ITGAE: variants seen among roughly 807,000 people sequenced by gnomAD.
ITGAE encodes integrin subunit alpha E.
In ITGAE, 99 loss-of-function variants were observed where a neutral mutation model predicts 136.5. The ratio of observed to expected loss-of-function variants is 0.73; its 90% CI spans 0.62 to 0.86. The LOEUF (loss-of-function observed/expected upper bound fraction) is 0.86. ITGAE is among the 40% of genes least tolerant of loss of function. ITGAE has a pLI of 0.00. For synonymous variants in ITGAE, 613 were observed against 591.8 expected (o/e 1.04, Z -0.52); for missense variants, 1,447 against 1,515.3 (o/e 0.95, Z 0.75).
intron 5 of ITGAE, 96 bp downstream of exon 5, chr17:3,761,307 G>A: frequency 6.5e-7 from 1 of 1,540,644 alleles, no homozygotes. Context: ...CTGTGGGCCT[G>A]CGTCCCACTG....
chr17:3,730,317 G>C (rs527875816), intron 23 of ITGAE: 1 of 152,352 alleles, frequency 6.6e-6, no homozygotes, highest in South Asian at 2.1e-4. Flanking sequence ...AGCTGGGCGT[G>C]GTGGCGGGCG....
In ITGAE at chr17:3,751,673, C is replaced by T. The variant is rs777253108; in HGVS notation, c.1870G>A (p.Gly624Ser). Residue 624 changes from glycine to serine, a missense_variant, in exon 15 of 31, where the codon GGC (glycine) becomes AGC (serine). Gly to Ser is a moderately conservative substitution (Grantham distance 56). Around this residue, in one of 3 missense-constraint regions of ITGAE, gnomAD observed 1,031 missense variants for 1,011.4 expected, o/e 1.02. Coordinates refer to ENST00000263087, the MANE Select transcript of ITGAE (RefSeq NM_002208.5). ...ACCTGCGAGGGGCTGGCGGAGAGGC[C>T]GTCCCAGTGTCCATTGTAGATATAC... ...SVYIYNGHWD[G>S]LSASPSQRIR... The T allele has an allele frequency of 5.0e-5, 80 of 1,613,722 alleles. 1 individual carries two copies. In the South Asian group the frequency reaches 8.3e-4, roughly 17 times the overall value.
chr17:3,795,017 C>T (rs2053031495), intron 1 of ITGAE, among the ~76,000 whole-genome samples: 1 of 152,208 alleles, frequency 6.6e-6, no homozygotes, highest in South Asian at 2.1e-4. Context: ...CTGCTCAGCA[C>T]TCTCCACCTC....
intron 21 of ITGAE, among the ~76,000 whole-genome samples, chr17:3,734,040 C>T (rs220468): frequency 0.76 from 116,065 of 152,192 alleles, 45,434 homozygotes; most frequent in African/African-American, 0.94. Context: ...TCATAATTAC[C>T]GACGTAACTA....
chr17:3,723,734 A>G lies in ITGAE; in HGVS notation c.3095T>C (p.Val1032Ala), dbSNP rs760530386. The G allele has an allele frequency of 1.7e-5, 27 of 1,606,908 alleles. No individual in the cohort carries two copies. Among genetic ancestry groups the G allele is most frequent in the Non-Finnish European group, 2.1e-5 (25 of 1,176,900 alleles). ...AGCGCGCTCCTGACTCCAGGTGCACACCGTGGAGGCCTGAAACGAGAGCCA... is the reference window on the plus strand; with the variant it reads ...AGCGCGCTCCTGACTCCAGGTGCACGCCGTGGAGGCCTGAAACGAGAGCCA... ...KKLTRTQASTVCTWSQERACA... is the reference protein window; with the variant it reads ...KKLTRTQASTACTWSQERACA... Residue 1032 changes from valine (V) to alanine (A), a missense_variant, in exon 27 of 31, where the codon GTG becomes GCG. Coordinates refer to ENST00000263087, the MANE Select transcript of ITGAE (RefSeq NM_002208.5).
intron 15 of ITGAE, among the ~76,000 whole-genome samples, 197 bp downstream of exon 15, chr17:3,751,453 C>T (rs973211868): frequency 6.6e-6 from 1 of 151,710 alleles, no homozygotes; most frequent in Admixed American, 6.6e-5. Flanking sequence ...GAACCTCCCC[C>T]CAACCTGAAG....
At chr17:3,796,540 C>T (rs2053109190) in intron 1 of ITGAE, among the ~76,000 whole-genome samples, 3 of 152,246 alleles carry the variant, frequency 2.0e-5, no homozygotes, top group South Asian at 4.1e-4. Context: ...AGGCTCAGCA[C>T]GTGGAGGCTG....
intron 26 of ITGAE, among the ~76,000 whole-genome samples, chr17:3,727,067 T>A (rs964214338): frequency 1.3e-5 from 2 of 152,096 alleles, no homozygotes; most frequent in South Asian, 4.2e-4. Flanking sequence ...GAGTCCTTTC[T>A]GTAAATTCCT....
Position 3,759,479 on chromosome 17 carries a change from C to T in ITGAE, c.789G>A (p.Met263Ile). 2 of 1,614,214 alleles carry T rather than the reference C, an allele frequency of 1.2e-6. No homozygotes were observed. The highest frequency in any genetic ancestry group is 8.5e-7 in the Non-Finnish European group (1 of 1,180,042). ...TGTTCTGGACTCTGGCGAGGGAGGCCATCACATCCTGGCTGTCCCGAAGGT... is the reference window on the plus strand; with the variant it reads ...TGTTCTGGACTCTGGCGAGGGAGGCTATCACATCCTGGCTGTCCCGAAGGT... ...EFDLRDSQDVMASLARVQNIT... is the reference protein window; with the variant it reads ...EFDLRDSQDVIASLARVQNIT... Residue 263 changes from methionine to isoleucine, a missense_variant, in exon 8 of 31, where the codon ATG (methionine) becomes ATA (isoleucine). Met to Ile is a conservative substitution (Grantham distance 10). Coordinates refer to ENST00000263087, the MANE Select transcript of ITGAE (RefSeq NM_002208.5).
chr17:3,717,539 A>G (rs2050966429), intron 29 of ITGAE: 1 of 152,158 alleles, frequency 6.6e-6, no homozygotes, highest in Non-Finnish European at 1.5e-5. Flanking sequence ...GGCCCTTCCA[A>G]GTTGTGGCCA....
intron 1 of ITGAE, among the ~76,000 whole-genome samples, chr17:3,783,604 T>C (rs967220323): frequency 6.6e-6 from 1 of 152,234 alleles, no homozygotes; most frequent in Non-Finnish European, 1.5e-5. Context: ...GTAAAAGTCA[T>C]TTGAGTATCT....
intron 1 of ITGAE, among the ~76,000 whole-genome samples, chr17:3,780,709 T>A (rs1324138933): frequency 6.6e-6 from 1 of 152,016 alleles, no homozygotes; most frequent in Non-Finnish European, 1.5e-5. Flanking sequence ...TTTTTACTTT[T>A]TATTTTATTG....
intron 16 of ITGAE, among the ~76,000 whole-genome samples, chr17:3,749,376 C>T (rs2051804286): frequency 6.6e-6 from 1 of 152,098 alleles, no homozygotes; most frequent in Admixed American, 6.5e-5. Flanking sequence ...CCTCAGCCTC[C>T]CGAGTCGCTG....
chr17:3,760,347 A>T, intron 6 of ITGAE, 60 bp from the exon 7 acceptor site: 1 of 875,546 alleles, frequency 1.1e-6, no homozygotes, highest in Non-Finnish European at 1.8e-6. Context: ...TAAGGGTAGC[A>T]TGTGTAGGGC....
intron 26 of ITGAE, chr17:3,724,644 A>G (rs1271953759): frequency 1.9e-6 from 3 of 1,614,030 alleles, no homozygotes; most frequent in Non-Finnish European, 1.7e-6. Context: ...GGTCCACCAA[A>G]CCCGCGCCAG....
At chr17:3,782,599 C>T (rs2052692653) in intron 1 of ITGAE, among the ~76,000 whole-genome samples, 2 of 151,940 alleles carry the variant, frequency 1.3e-5, no homozygotes, top group Admixed American at 1.3e-4. Context: ...AACTCCTGAC[C>T]TCAGGTGATT....
At chr17:3,787,247 G>A (rs1055875351) in intron 1 of ITGAE, among the ~76,000 whole-genome samples, 3 of 151,800 alleles carry the variant, frequency 2.0e-5, no homozygotes, top group Non-Finnish European at 4.4e-5. Context: ...AAGTAGCTGG[G>A]ATTACAGGCA....
chr17:3,790,831 G>C (rs551750179), intron 1 of ITGAE, among the ~76,000 whole-genome samples: 15 of 152,196 alleles, frequency 9.9e-5, no homozygotes, highest in African/African-American at 3.6e-4. Context: ...ACCTTGTTTG[G>C]ATCTTGCTTT....
chr17:3,728,294 C>T, intron 24 of ITGAE, 126 bp from the exon 25 acceptor site: 2 of 763,762 alleles, frequency 2.6e-6, no homozygotes, highest in East Asian at 5.0e-5. Context: ...GCCTCAACCT[C>T]CCAGGCTCAA....
Sources: gnomAD v4.1 joint callset for allele counts (sites outside exome capture counted in the v4.1 genomes callset) on GRCh38, gnomAD v4.1.1 for gene constraint, gnomAD v4.1.1 regional missense constraint, MANE v1.5 for transcripts, NCBI Gene and HGNC (gene_info 2026-07-23, HGNC 2026-07-21) for gene names.